Variants in STAU2 observed in about 807,000 individuals in gnomAD.
The protein encoded by STAU2 is staufen double-stranded RNA binding protein 2.
A neutral mutation model predicts 65.9 loss-of-function variants in STAU2; 20 were observed. That is an observed-to-expected ratio of 0.30 (90% CI 0.21 to 0.44). STAU2 has a LOEUF of 0.44. Among genes scored for constraint, STAU2 ranks in the 20% least tolerant of loss-of-function variants. The pLI, the probability that STAU2 is intolerant of heterozygous loss-of-function variation, is 1.00. For synonymous variants in STAU2, 232 were observed against 233.9 expected (o/e 0.99, Z 0.07); for missense variants, 558 against 683.9 (o/e 0.82, Z 2.05).
intron 13 of STAU2, among the ~76,000 whole-genome samples, chr8:73,504,253 A>C (rs1821926302): frequency 6.6e-6 from 1 of 152,096 alleles, no homozygotes; most frequent in Non-Finnish European, 1.5e-5. Context: ...CTACTATCAG[A>C]TACAATAGCT....
intron 13 of STAU2, among the ~76,000 whole-genome samples, chr8:73,462,572 T>A (rs1471915540): frequency 6.6e-6 from 1 of 151,746 alleles, no homozygotes; most frequent in Non-Finnish European, 1.5e-5. Context: ...ATTTTTGTAT[T>A]TTTTTTATAG....
intron 6 of STAU2, among the ~76,000 whole-genome samples, chr8:73,628,557 G>A (rs1813858751): frequency 6.6e-6 from 1 of 152,080 alleles, no homozygotes; most frequent in African/African-American, 2.4e-5. Context: ...AATGCACTTT[G>A]AAAACAACTA....
At position 73,656,461 on chromosome 8, in the gene STAU2, A is replaced by G. The variant is rs755207621; in HGVS notation, c.410+16646T>C. 9.5e-4 allele frequency among the ~76,000 whole-genome samples: 144 copies of G among 152,374 alleles called. 1 individual carries two copies. The highest frequency in any genetic ancestry group is 2.9e-3 in the South Asian group (14 of 4,832). ...ACAAAGGATGCATTACACATTTGCT[A>G]CAATTATTCAGATTCTCCATTTCTG... On this transcript the variant is annotated intron_variant, in intron 6 of 14. Transcript: ENST00000524300.
At chr8:73,491,265 G>C (rs1290918095) in intron 13 of STAU2, among the ~76,000 whole-genome samples, 1 of 152,016 alleles carries the variant, frequency 6.6e-6, no homozygotes, top group Admixed American at 6.6e-5. Flanking sequence ...GAGACATCCT[G>C]CTGAATTAAC....
chr8:73,502,136 A>G (rs1374158031), intron 13 of STAU2, among the ~76,000 whole-genome samples: 2 of 151,884 alleles, frequency 1.3e-5, no homozygotes, highest in African/African-American at 4.8e-5. Flanking sequence ...TTACAGTAGG[A>G]TTTTCCTTTA....
chr8:73,467,971 A>G (rs544046414), intron 13 of STAU2, among the ~76,000 whole-genome samples: 1 of 152,332 alleles, frequency 6.6e-6, no homozygotes, highest in Non-Finnish European at 1.5e-5. Flanking sequence ...GTTCATATGC[A>G]ACCAAAAAAG....
At chr8:73,655,464 A>G (rs1816280384) in intron 6 of STAU2, among the ~76,000 whole-genome samples, 1 of 152,050 alleles carries the variant, frequency 6.6e-6, no homozygotes, top group African/African-American at 2.4e-5. Flanking sequence ...TTCATATTTT[A>G]TAACTAAAAG....
At chr8:73,544,532 C>G (rs565738169) in intron 13 of STAU2, among the ~76,000 whole-genome samples, 1 of 152,170 alleles carries the variant, frequency 6.6e-6, no homozygotes. Flanking sequence ...AAACACCATG[C>G]CCTTTTATGT....
At chr8:73,476,829 T>C (rs549171887) in intron 13 of STAU2, among the ~76,000 whole-genome samples, 124 of 152,310 alleles carry the variant, frequency 8.1e-4, no homozygotes, top group Admixed American at 1.1e-3. Flanking sequence ...AAAGGCCCAG[T>C]GGACACATGG....
intron 13 of STAU2, among the ~76,000 whole-genome samples, chr8:73,436,433 C>T (rs1817688822): frequency 6.6e-6 from 1 of 151,658 alleles, no homozygotes; most frequent in African/African-American, 2.4e-5. Context: ...CCTGATTTTA[C>T]ACGTATATTT....
intron 12 of STAU2, among the ~76,000 whole-genome samples, chr8:73,582,299 TAAGTG>T (rs1810042967): frequency 6.6e-6 from 1 of 151,924 alleles, no homozygotes; most frequent in African/African-American, 2.4e-5. Flanking sequence ...TAGGCAATGT[TAAGTG>T]AAAACAATAA....
At chr8:73,503,402 T>A (rs771959519) in intron 13 of STAU2, among the ~76,000 whole-genome samples, 1 of 152,138 alleles carries the variant, frequency 6.6e-6, no homozygotes, top group Admixed American at 6.6e-5. Context: ...GGGAGTTCTA[T>A]CATCTACATA....
At chr8:73,559,252 C>T (rs1426885094) in intron 12 of STAU2, among the ~76,000 whole-genome samples, 1 of 152,184 alleles carries the variant, frequency 6.6e-6, no homozygotes, top group African/African-American at 2.4e-5. Flanking sequence ...CATTATTACA[C>T]TTTTAAAAGT....
At chr8:73,543,166 A>C (rs951099256) in intron 13 of STAU2, among the ~76,000 whole-genome samples, 6 of 152,228 alleles carry the variant, frequency 3.9e-5, no homozygotes, top group African/African-American at 1.4e-4. Flanking sequence ...TGCCAGATAC[A>C]AAACTGTGAA....
chr8:73,429,882 A>G (rs2383892), intron 13 of STAU2, among the ~76,000 whole-genome samples: 117,245 of 152,182 alleles, frequency 0.77, 46,404 homozygotes, highest in East Asian at 0.97. Flanking sequence ...AGCTCATAAA[A>G]TTATCTCCAT....
intron 13 of STAU2, among the ~76,000 whole-genome samples, chr8:73,432,800 G>T (rs1360439520): frequency 6.6e-6 from 1 of 152,050 alleles, no homozygotes; most frequent in African/African-American, 2.4e-5. Flanking sequence ...TTTCTAAAAC[G>T]GCTTACCCTT....
intron 4 of STAU2, among the ~76,000 whole-genome samples, chr8:73,691,400 C>G (rs967734132): frequency 1.3e-5 from 2 of 152,124 alleles, no homozygotes; most frequent in Admixed American, 1.3e-4. Flanking sequence ...TTTCTATAAA[C>G]TCAGACTCAG....
At chr8:73,500,559 G>T (rs1821689545) in intron 13 of STAU2, among the ~76,000 whole-genome samples, 1 of 151,630 alleles carries the variant, frequency 6.6e-6, no homozygotes, top group Non-Finnish European at 1.5e-5. Context: ...AAATATTGTT[G>T]GCCCTGTTTT....
intron 13 of STAU2, among the ~76,000 whole-genome samples, chr8:73,513,453 C>T (rs753368104): frequency 6.6e-6 from 1 of 152,116 alleles, no homozygotes; most frequent in Non-Finnish European, 1.5e-5. Context: ...CCATTAAAAA[C>T]TCAGGCAGTT....
Sources: allele counts gnomAD v4.1 joint callset (sites outside exome capture counted in the v4.1 genomes callset), GRCh38; gene constraint gnomAD v4.1.1; transcripts MANE v1.5; gene names NCBI Gene and HGNC (gene_info 2026-07-23, HGNC 2026-07-21).